The following KALRN variants were observed in gnomAD, a reference collection of about 807,000 sequenced individuals.
KALRN encodes kalirin.
KALRN carries 70 observed loss-of-function variants against 353.7 expected under a neutral mutation model. The observed-to-expected ratio is 0.20, with a 90% confidence interval of 0.16 to 0.24. The LOEUF (loss-of-function observed/expected upper bound fraction) is 0.24, where lower values mean the gene tolerates loss of function less well. Among genes scored for constraint, KALRN ranks in the 10% least tolerant of loss-of-function variants. The pLI is 1.00. For synonymous variants in KALRN, 1,391 were observed against 1,434.8 expected (o/e 0.97, Z 0.69); for missense variants, 2,791 against 3,756.7 (o/e 0.74, Z 6.72).
intron 55 of KALRN, among the ~76,000 whole-genome samples, chr3:124,698,315 G>A (rs1470346331): frequency 6.6e-6 from 1 of 152,218 alleles, no homozygotes; most frequent in Non-Finnish European, 1.5e-5. Flanking sequence ...GTCTCTAGGA[G>A]GTCCTTCAGA....
chr3:124,633,194 C>T (rs927421511), intron 35 of KALRN, among the ~76,000 whole-genome samples: 15 of 152,132 alleles, frequency 9.9e-5, no homozygotes, highest in Non-Finnish European at 1.6e-4. Context: ...GCAGGGTTTC[C>T]GCTCAAAGAA....
At chr3:124,320,585 A>G (rs891132435) in intron 6 of KALRN, among the ~76,000 whole-genome samples, 1 of 152,348 alleles carries the variant, frequency 6.6e-6, no homozygotes, top group Admixed American at 6.5e-5. Context: ...TCCTTGTATG[A>G]GGACAAGATG....
At chr3:124,441,758 G>A (rs2093672466) in intron 18 of KALRN, among the ~76,000 whole-genome samples, 187 bp from the exon 19 acceptor site, 1 of 151,930 alleles carries the variant, frequency 6.6e-6, no homozygotes, top group Non-Finnish European at 1.5e-5. Flanking sequence ...CCTGGGAGGT[G>A]GAGACTGCGG....
At chr3:124,228,149 T>C in intron 2 of KALRN, 85 bp downstream of exon 2, 1 of 1,116,300 alleles carries the variant, frequency 9.0e-7, no homozygotes, top group South Asian at 1.2e-5. Context: ...TGTGTGTTAG[T>C]AGGGGAGAAG....
intron 34 of KALRN, among the ~76,000 whole-genome samples, chr3:124,631,347 G>A (rs775768732): frequency 6.6e-6 from 1 of 152,098 alleles, no homozygotes; most frequent in Non-Finnish European, 1.5e-5. Context: ...AAGGCAAGCT[G>A]CTATTCAATT....
chr3:124,719,597 C>T lies in KALRN; in HGVS notation c.*127C>T, dbSNP rs1267852059. 4 of 897,310 alleles carry T rather than the reference C, an allele frequency of 4.5e-6. No individual in the cohort carries two copies. The highest frequency in any genetic ancestry group is 6.7e-6 in the Non-Finnish European group (4 of 600,490). The allele number at this position is 897,310 out of a possible 1,614,324, so 55.6% of individuals were successfully genotyped here. A position where few individuals can be genotyped will look rare whatever the true frequency, so the allele number is the denominator to read the frequency against. On this transcript the variant is annotated 3_prime_UTR_variant, in exon 60 of 60. Transcript: ENST00000682506. The surrounding 1 kb of genome is among the most constrained non-coding windows in gnomAD (Gnocchi z 5.3). ...GTTCTCTGAATTGAGAGATGTACCT[C>T]TTAAACCTCGTCAGTGGTTATTCAG...
chr3:124,090,420 G>C (rs2061048626), intron 1 of KALRN, among the ~76,000 whole-genome samples: 1 of 152,210 alleles, frequency 6.6e-6, no homozygotes, highest in South Asian at 2.1e-4. Flanking sequence ...CCTGATATTT[G>C]AGGTGACATT....
At chr3:124,664,398 C>A (rs2085345031) in intron 45 of KALRN, among the ~76,000 whole-genome samples, 1 of 149,846 alleles carries the variant, frequency 6.7e-6, no homozygotes, top group African/African-American at 2.4e-5. Context: ...AGGGCACCCA[C>A]AAGCACAGAA....
At chr3:124,637,021 A>G (rs527955155) in intron 36 of KALRN, 187 bp from the exon 37 acceptor site, 16 of 588,638 alleles carry the variant, frequency 2.7e-5, no homozygotes, top group Non-Finnish European at 4.6e-5. Context: ...TAGAATTCCT[A>G]ATAAGGGGTT....
intron 34 of KALRN, among the ~76,000 whole-genome samples, chr3:124,610,285 C>A (rs1466718557): frequency 6.6e-6 from 1 of 152,130 alleles, no homozygotes; most frequent in Non-Finnish European, 1.5e-5. Context: ...AAAAGATAGT[C>A]TATTACTCAC....
At chr3:124,661,978 G>A in intron 45 of KALRN, 50 bp downstream of exon 45, 1 of 1,459,544 alleles carries the variant, frequency 6.9e-7, no homozygotes, top group African/African-American at 1.4e-5. Flanking sequence ...GACAATAGGA[G>A]TCCAGACTGT....
intron 34 of KALRN, among the ~76,000 whole-genome samples, chr3:124,592,250 C>T (rs775883042): frequency 8.8e-5 from 13 of 147,380 alleles, no homozygotes; most frequent in Non-Finnish European, 1.5e-4. Flanking sequence ...TGCAGTGAGC[C>T]GAGATAGAGC....
chr3:124,143,904 C>T (rs2066953701), intron 1 of KALRN, among the ~76,000 whole-genome samples: 1 of 152,066 alleles, frequency 6.6e-6, no homozygotes, highest in Admixed American at 6.6e-5. Context: ...CATTTTAGAA[C>T]AGGATAATCT....
chr3:124,630,435 C>T (rs1463206473), intron 34 of KALRN, among the ~76,000 whole-genome samples: 2 of 152,102 alleles, frequency 1.3e-5, no homozygotes, highest in Admixed American at 1.3e-4. Flanking sequence ...CTCCCTCTGT[C>T]ACCCAGGCTG....
At chr3:124,664,746 G>T (rs333345) in intron 45 of KALRN, among the ~76,000 whole-genome samples, 2,261 of 152,278 alleles carry the variant, frequency 0.015, 60 homozygotes, top group African/African-American at 0.052. Flanking sequence ...GCTGTCTCTT[G>T]TTTTTGTCAA....
intron 12 of KALRN, among the ~76,000 whole-genome samples, chr3:124,397,109 T>C (rs185577433): frequency 4.1e-4 from 62 of 152,318 alleles, no homozygotes; most frequent in African/African-American, 1.5e-3. Context: ...TGGTCCAAAA[T>C]CTTTCCTTTC....
At chr3:124,140,873 G>A (rs573289943) in intron 1 of KALRN, among the ~76,000 whole-genome samples, 1 of 152,246 alleles carries the variant, frequency 6.6e-6, no homozygotes, top group South Asian at 2.1e-4. Flanking sequence ...CCCAGCCTCA[G>A]GTTTCCTTTT....
At position 124,404,442 on chromosome 3, in the gene KALRN, A is replaced by G. The variant is rs138838187; in HGVS notation, c.2346+5571A>G. Among the ~76,000 whole-genome samples the G allele has an allele frequency of 2.1e-3, 313 of 152,104 alleles. 3 individuals carry two copies. The highest frequency in any genetic ancestry group is 6.9e-3 in the African/African-American group (285 of 41,510). ...CTGCTGAATGGAGCCTGGCTCACAT[A>G]TAGGCTTGGATGTGTCCTCTTCAGA... On this transcript the variant is annotated intron_variant, in intron 13 of 59. Transcript: ENST00000682506.
At chr3:124,293,712 A>G (rs1012052052) in intron 5 of KALRN, among the ~76,000 whole-genome samples, 3 of 152,160 alleles carry the variant, frequency 2.0e-5, no homozygotes, top group East Asian at 1.9e-4. Flanking sequence ...AAGAGATACA[A>G]TTTCATTATT....
Sources: gnomAD v4.1 joint callset for allele counts (sites outside exome capture counted in the v4.1 genomes callset) on GRCh38, gnomAD v4.1.1 for gene constraint, Gnocchi (gnomAD v3.1) non-coding constraint, MANE v1.5 for transcripts, NCBI Gene and HGNC (gene_info 2026-07-23, HGNC 2026-07-21) for gene names.